The following ZBTB20 variants were observed in gnomAD, a reference collection of about 807,000 sequenced individuals.
ZBTB20 encodes the protein zinc finger and BTB domain-containing protein 20.
ZBTB20 carries 9 observed loss-of-function variants against 56.9 expected under a neutral mutation model. The ratio of observed to expected loss-of-function variants is 0.16; its 90% CI spans 0.10 to 0.28. ZBTB20 has a LOEUF of 0.28. Among genes scored for constraint, ZBTB20 ranks in the 10% least tolerant of loss-of-function variants. The pLI is 1.00. For synonymous variants in ZBTB20, 417 were observed against 420.7 expected (o/e 0.99, Z 0.11); for missense variants, 655 against 1,003.0 (o/e 0.65, Z 4.69).
At chr3:114,857,942 G>A (rs1206430904) in intron 4 of ZBTB20, among the ~76,000 whole-genome samples, 1 of 152,172 alleles carries the variant, frequency 6.6e-6, no homozygotes. Context: ...TCCTCTTGCT[G>A]GCCACAGGAA....
chr3:114,808,520 A>G (rs1433581289), intron 4 of ZBTB20, among the ~76,000 whole-genome samples: 2 of 151,816 alleles, frequency 1.3e-5, no homozygotes, highest in Non-Finnish European at 2.9e-5. Context: ...TGGTGGTGAT[A>G]CCTTCTCTCT....
intron 1 of ZBTB20, among the ~76,000 whole-genome samples, chr3:115,107,973 C>A (rs1339307954): frequency 1.3e-5 from 2 of 152,076 alleles, no homozygotes; most frequent in African/African-American, 4.8e-5. Flanking sequence ...ACGACACACA[C>A]CAGGGCCTGT....
At chr3:114,801,599 A>G (rs1318873157) in intron 4 of ZBTB20, among the ~76,000 whole-genome samples, 1 of 151,870 alleles carries the variant, frequency 6.6e-6, no homozygotes. Context: ...CTGAATACAC[A>G]TATTAAAGGG....
In ZBTB20 at chr3:114,760,866, ATTTGCATGACTG is replaced by A. The variant is rs544163006; in HGVS notation, c.-343+40223_-343+40234del. On this transcript the variant is annotated intron_variant, in intron 5 of 11. Transcript: ENST00000675478. ...TTCACTGTACCATAAGATAAATCAT[ATTTGCATGACTG>A]TTAAAGGAAGGGGAAAAATCTGTGT... 4.0e-3 allele frequency among the ~76,000 whole-genome samples: 609 copies of A among 152,222 alleles called. 5 individuals carry two copies. Among genetic ancestry groups the A allele is most frequent in the African/African-American group, 0.014 (586 of 41,540 alleles).
intron 8 of ZBTB20, among the ~76,000 whole-genome samples, chr3:114,386,333 TA>T (rs1430650641): frequency 6.6e-6 from 1 of 152,220 alleles, no homozygotes; most frequent in Non-Finnish European, 1.5e-5. Flanking sequence ...AATTTCCTCT[TA>T]ACTGTATCAG....
At chr3:115,133,767 C>G (rs1485080963) in intron 1 of ZBTB20, among the ~76,000 whole-genome samples, 1 of 152,014 alleles carries the variant, frequency 6.6e-6, no homozygotes, top group African/African-American at 2.4e-5. Flanking sequence ...AATTTTTATT[C>G]CTTCATTCAG....
intron 3 of ZBTB20, among the ~76,000 whole-genome samples, chr3:114,904,784 G>A (rs1487452904): frequency 1.3e-4 from 20 of 151,820 alleles, no homozygotes; most frequent in Admixed American, 1.2e-3. Context: ...AGTATGAGGA[G>A]CACAGTTATC....
In ZBTB20 at chr3:114,325,780, A is replaced by AAAAGAAAGGTTACAAAAAC; in HGVS notation, c.*13206_*13224dup. ...GAGCCAAGAATGTCAATTATAGCACAAAAGAAAGGTTACAAAAACGTTGTC... is the reference window on the plus strand; with the variant it reads ...GAGCCAAGAATGTCAATTATAGCACAAAAGAAAGGTTACAAAAACAAAGAAAGGTTACAAAAACGTTGTC... On this transcript the variant is annotated 3_prime_UTR_variant, in exon 12 of 12. Coordinates refer to ENST00000675478, the MANE Select transcript of ZBTB20 (RefSeq NM_001348800.3). 2 of 152,358 alleles carry AAAAGAAAGGTTACAAAAAC rather than the reference A, an allele frequency of 1.3e-5. No homozygotes were observed. Among genetic ancestry groups the AAAAGAAAGGTTACAAAAAC allele is most frequent in the South Asian group, 4.1e-4 (2 of 4,832 alleles). 9.4% of individuals were successfully genotyped at this position (152,358 alleles called of 1,614,324 possible). A position where few individuals can be genotyped will look rare whatever the true frequency, so the allele number is the denominator to read the frequency against.
At chr3:114,839,383 G>A (rs2074265246) in intron 4 of ZBTB20, among the ~76,000 whole-genome samples, 1 of 150,830 alleles carries the variant, frequency 6.6e-6, no homozygotes, top group African/African-American at 2.5e-5. Flanking sequence ...CCTGCAGCCT[G>A]GGTGACAGAG....
At chr3:114,775,838 A>G (rs1250884234) in intron 5 of ZBTB20, among the ~76,000 whole-genome samples, 6 of 152,096 alleles carry the variant, frequency 3.9e-5, no homozygotes, top group Admixed American at 3.3e-4. Flanking sequence ...GAAGGTTAAC[A>G]CTGAGGAAAG....
intron 4 of ZBTB20, among the ~76,000 whole-genome samples, chr3:114,832,183 C>T (rs1229808118): frequency 6.6e-6 from 1 of 152,074 alleles, no homozygotes; most frequent in Non-Finnish European, 1.5e-5. Context: ...GCCTGCAACA[C>T]CTGGCCCAGT....
At chr3:114,880,285 TG>T (rs2076351503) in intron 4 of ZBTB20, among the ~76,000 whole-genome samples, 1 of 152,324 alleles carries the variant, frequency 6.6e-6, no homozygotes, top group African/African-American at 2.4e-5. Flanking sequence ...AAGTTTGCTT[TG>T]GAGAAAGCTG....
chr3:114,656,696 T>G (rs2060424628), intron 6 of ZBTB20, among the ~76,000 whole-genome samples: 1 of 152,106 alleles, frequency 6.6e-6, no homozygotes, highest in Non-Finnish European at 1.5e-5. Context: ...TTTTGAAAAT[T>G]TTCATTTCTC....
intron 1 of ZBTB20, among the ~76,000 whole-genome samples, chr3:115,104,289 G>A (rs998680511): frequency 1.3e-5 from 2 of 152,156 alleles, no homozygotes; most frequent in African/African-American, 4.8e-5. Context: ...AAGACAGTTT[G>A]GCAGTTTCTT....
At chr3:114,781,661 T>C (rs1040003771) in intron 5 of ZBTB20, among the ~76,000 whole-genome samples, 3 of 152,166 alleles carry the variant, frequency 2.0e-5, no homozygotes, top group African/African-American at 7.2e-5. Context: ...ATGACATGAT[T>C]TAGCTGTGTC....
intron 2 of ZBTB20, among the ~76,000 whole-genome samples, chr3:114,982,698 A>C (rs1055728377): frequency 1.3e-5 from 2 of 152,072 alleles, no homozygotes; most frequent in Admixed American, 1.3e-4. Flanking sequence ...CTGTGGGTAC[A>C]TGTGCACAAC....
At chr3:114,830,829 A>G (rs977564954) in intron 4 of ZBTB20, among the ~76,000 whole-genome samples, 7 of 151,974 alleles carry the variant, frequency 4.6e-5, no homozygotes, top group African/African-American at 1.7e-4. Flanking sequence ...CTAACTGAGC[A>G]TAATTGCGCT....
In ZBTB20 at chr3:114,336,688, G is replaced by T. The variant is rs544027622; in HGVS notation, c.*2317C>A. 2 of 152,158 alleles carry T rather than the reference G, an allele frequency of 1.3e-5. No homozygotes were observed. The highest frequency in any genetic ancestry group is 4.8e-5 in the African/African-American group (2 of 41,434). The allele number at this position is 152,158 out of a possible 1,614,324, so 9.4% of individuals were successfully genotyped here. ...ATAAAACCAATTTAGTCATTACAGA[G>T]TTGTTTGTGTTGGAAGATTTTCCCT... is the stretch of plus-strand genomic sequence containing the variant. On this transcript the variant is annotated 3_prime_UTR_variant, in exon 12 of 12. Transcript: ENST00000675478.
chr3:114,413,652 T>C (rs1014677372), intron 7 of ZBTB20, among the ~76,000 whole-genome samples: 2 of 152,126 alleles, frequency 1.3e-5, no homozygotes, highest in Non-Finnish European at 2.9e-5. Context: ...AGTGCTGATA[T>C]TAAGCCTGCT....
Sources: gnomAD v4.1 joint callset for allele counts (sites outside exome capture counted in the v4.1 genomes callset) on GRCh38, gnomAD v4.1.1 for gene constraint, MANE v1.5 for transcripts, NCBI Gene and HGNC (gene_info 2026-07-23, HGNC 2026-07-21) for gene names.